Variants in SGO2 observed in about 807,000 individuals in gnomAD.
SGO2 encodes the protein shugoshin-like 2.
A neutral mutation model predicts 99.5 loss-of-function variants in SGO2; 68 were observed. The observed-to-expected ratio is 0.68, with a 90% CI of 0.56 to 0.84. The LOEUF is 0.84. Ranked by LOEUF, SGO2 falls within the 40% of genes least tolerant of loss-of-function variation. SGO2 has a pLI of 0.00. For missense variants in SGO2, 1,350 were observed against 1,436.7 expected, an observed-to-expected ratio of 0.94 and a Z score of 0.97; for synonymous variants, 457 against 487.1, an observed-to-expected ratio of 0.94 and a Z score of 0.81.
intron 5 of SGO2, among the ~76,000 whole-genome samples, chr2:200,553,699 GCT>G (rs1257134207): frequency 6.6e-6 from 1 of 152,070 alleles, no homozygotes; most frequent in East Asian, 1.9e-4. Context: ...TTAAACATAA[GCT>G]CTTTTTAAAC....
chr2:200,567,156 A>G (rs6755626), intron 5 of SGO2, among the ~76,000 whole-genome samples: 33,276 of 152,126 alleles, frequency 0.22, 3,863 homozygotes, highest in Middle Eastern at 0.3. Flanking sequence ...CGTCTTCTGC[A>G]TCGTTCATGC....
chr2:200,555,838 G>A (rs1370876312), intron 5 of SGO2, among the ~76,000 whole-genome samples: 1 of 152,186 alleles, frequency 6.6e-6, no homozygotes, highest in Non-Finnish European at 1.5e-5. Context: ...GATTTTGAGG[G>A]AGATCTATCA....
At chr2:200,532,747 T>C (rs2031475253) in intron 1 of SGO2, among the ~76,000 whole-genome samples, 1 of 152,132 alleles carries the variant, frequency 6.6e-6, no homozygotes, top group South Asian at 2.1e-4. Flanking sequence ...ACCTGGTACA[T>C]AGATGATTAA....
intron 5 of SGO2, among the ~76,000 whole-genome samples, chr2:200,550,034 T>C (rs2032405159): frequency 6.6e-6 from 1 of 152,162 alleles, no homozygotes; most frequent in Non-Finnish European, 1.5e-5. Flanking sequence ...ATCAACATAA[T>C]TAGTAGCATT....
At chr2:200,532,893 TGTTA>T in intron 1 of SGO2, 77 bp from the exon 2 acceptor site, 1 of 1,352,982 alleles carries the variant, frequency 7.4e-7, no homozygotes, top group Non-Finnish European at 1.0e-6. Flanking sequence ...AAGTCATGAT[TGTTA>T]CTTTTTAAAA....
intron 5 of SGO2, among the ~76,000 whole-genome samples, chr2:200,553,170 T>C (rs1002912113): frequency 6.6e-6 from 1 of 152,206 alleles, no homozygotes; most frequent in African/African-American, 2.4e-5. Context: ...ACCTGGAAGA[T>C]TAATAAGTGC....
rs1559218243 is a variant in SGO2 at position 200,573,063 on chromosome 2, T to C, written c.2717T>C (p.Leu906Pro). The C allele has an allele frequency of 5.1e-6, 8 of 1,570,234 alleles. No homozygotes were observed. Among genetic ancestry groups the C allele is most frequent in the Non-Finnish European group, 6.0e-6 (7 of 1,167,036 alleles). ...CAAAATGAATCAAAAATAAATAAGC[T>C]CAGGAATAAAGTGAATTGGAAGACA... ...AEQNESKINK[L>P]RNKVNWKTEI... The change falls in exon 7 of 9, where the codon CTC becomes CCC. Residue 906 changes from leucine to proline, a missense_variant. Physicochemically the swap from Leu to Pro is moderately conservative, Grantham distance 98. Transcript: ENST00000357799.
intron 5 of SGO2, among the ~76,000 whole-genome samples, chr2:200,558,952 G>A (rs906213043): frequency 4.0e-5 from 6 of 151,844 alleles, no homozygotes; most frequent in Non-Finnish European, 7.4e-5. Context: ...ACAGATGCTC[G>A]CCAACGCGCC....
intron 5 of SGO2, among the ~76,000 whole-genome samples, chr2:200,561,758 G>A (rs1234124590): frequency 6.6e-6 from 1 of 152,062 alleles, no homozygotes; most frequent in Non-Finnish European, 1.5e-5. Flanking sequence ...ATTCTAACTG[G>A]TGTGAGATGG....
chr2:200,576,685 T>C (rs1281772367), intron 8 of SGO2, among the ~76,000 whole-genome samples: 1 of 152,226 alleles, frequency 6.6e-6, no homozygotes, highest in Non-Finnish European at 1.5e-5. Flanking sequence ...AGAAACCCTG[T>C]ACCCTTTAGT....
In SGO2 at chr2:200,572,290, C is replaced by T. The variant is rs751737856; in HGVS notation, c.1944C>T (p.Phe648=). Residue 648 remains phenylalanine (F), a synonymous_variant, in exon 7 of 9, where the codon TTC becomes TTT. Transcript: ENST00000357799. ...GCCTAAAAAAAGGTAATTTTTTTTT[C>T]AAAACCCAAGAGGATAAAGAACCTA... ...VHGLKKGNFF[F]KTQEDKEPIS... is the part of the protein sequence containing the mutation. 1.2e-6 allele frequency: 2 copies of T among 1,607,080 alleles called. No homozygotes were observed. Among genetic ancestry groups the T allele is most frequent in the Non-Finnish European group, 1.7e-6 (2 of 1,177,988 alleles).
intron 4 of SGO2, among the ~76,000 whole-genome samples, chr2:200,538,529 T>C (rs1359260763): frequency 6.6e-6 from 1 of 152,210 alleles, no homozygotes; most frequent in Admixed American, 6.5e-5. Context: ...TTGTTTATTG[T>C]TCATCCCATC....
intron 8 of SGO2, among the ~76,000 whole-genome samples, chr2:200,582,071 C>T (rs951909944): frequency 8.6e-5 from 13 of 152,016 alleles, no homozygotes; most frequent in Non-Finnish European, 1.9e-4. Flanking sequence ...AACTAAACTC[C>T]ATAACTTGAA....
At chr2:200,582,640 T>C (rs1047825096) in intron 8 of SGO2, among the ~76,000 whole-genome samples, 4 of 152,118 alleles carry the variant, frequency 2.6e-5, no homozygotes, top group Non-Finnish European at 5.9e-5. Context: ...TAGTGCTCTG[T>C]TGTCTATTAG....
At chr2:200,544,605 A>G (rs950727969) in intron 5 of SGO2, among the ~76,000 whole-genome samples, 3 of 152,138 alleles carry the variant, frequency 2.0e-5, no homozygotes, top group Non-Finnish European at 2.9e-5. Flanking sequence ...TTGGTCTATT[A>G]CAAATAGGGC....
At chr2:200,578,673 A>G (rs2033743497) in intron 8 of SGO2, among the ~76,000 whole-genome samples, 1 of 152,220 alleles carries the variant, frequency 6.6e-6, no homozygotes, top group Non-Finnish European at 1.5e-5. Flanking sequence ...GAGAATCTCT[A>G]GAGCAAGTCC....
At chr2:200,564,707 T>TA (rs2033116881) in intron 5 of SGO2, among the ~76,000 whole-genome samples, 2 of 152,240 alleles carry the variant, frequency 1.3e-5, no homozygotes, top group Admixed American at 1.3e-4. Context: ...AGTCTCTTTG[T>TA]AGGTCTCTAA....
chr2:200,583,164 T>A (rs1317732550), intron 8 of SGO2, among the ~76,000 whole-genome samples: 1 of 152,212 alleles, frequency 6.6e-6, no homozygotes, highest in East Asian at 1.9e-4. Context: ...TTCTTGAACA[T>A]ATGCTAAATT....
intron 5 of SGO2, among the ~76,000 whole-genome samples, chr2:200,545,688 A>G (rs1266431136): frequency 6.6e-6 from 1 of 152,136 alleles, no homozygotes; most frequent in Non-Finnish European, 1.5e-5. Flanking sequence ...CACATGTGCA[A>G]TGCCCCTCCC....
Sources: gnomAD v4.1 joint callset for allele counts (sites outside exome capture counted in the v4.1 genomes callset) on GRCh38, gnomAD v4.1.1 for gene constraint, MANE v1.5 for transcripts, NCBI Gene and HGNC (gene_info 2026-07-23, HGNC 2026-07-21) for gene names.